ARSG: variants seen among roughly 807,000 people sequenced by gnomAD.
The protein encoded by ARSG is arylsulfatase G, also known as ASG.
A neutral mutation model predicts 50.5 loss-of-function variants in ARSG; 37 were observed. That is an observed-to-expected ratio of 0.73 (90% confidence interval 0.56 to 0.96). ARSG has a LOEUF of 0.96. Among genes scored for constraint, ARSG ranks in the 50% least tolerant of loss-of-function variants. The probability of loss-of-function intolerance (pLI) is 0.00; values close to 1 mark genes in which losing one functional copy is unlikely to be tolerated. For missense variants in ARSG, 629 were observed against 675.3 expected, an observed-to-expected ratio of 0.93 and a Z score of 0.76; for synonymous variants, 225 against 254.6, an observed-to-expected ratio of 0.88 and a Z score of 1.11.
At chr17:68,309,292 C>A (rs11650239) in intron 2 of ARSG, among the ~76,000 whole-genome samples, 1 of 152,130 alleles carries the variant, frequency 6.6e-6, no homozygotes, top group Non-Finnish European at 1.5e-5. Flanking sequence ...CGCGCCTCTC[C>A]CTCCACACCT....
At chr17:68,446,102 C>T in the ARSG span, among the ~76,000 whole-genome samples, 2 of 152,140 alleles carry the variant, frequency 1.3e-5, no homozygotes, top group Non-Finnish European at 2.9e-5. Context: ...CTGCTATTCC[C>T]CAAGGAAGAC....
rs558911411 is a variant in ARSG at position 68,283,336 on chromosome 17, C to T, written c.-551-23607C>T. Among the ~76,000 whole-genome samples, 14 of 151,298 alleles carry T rather than the reference C, an allele frequency of 9.3e-5. No individual in the cohort carries two copies. The East Asian group carries it at 1.6e-3, about 17-fold the overall frequency. Reference sequence around the variant, plus strand: ...GAGATCAAGACCATTCTGGCAAACACGATGAAACCCCGTCTCTACTAAAAA... The same window carrying T: ...GAGATCAAGACCATTCTGGCAAACATGATGAAACCCCGTCTCTACTAAAAA... On this transcript the variant is annotated intron_variant, in intron 1 of 11. Transcript: ENST00000448504.
At chr17:68,277,199 T>C (rs2075551640) in intron 1 of ARSG, among the ~76,000 whole-genome samples, 1 of 152,054 alleles carries the variant, frequency 6.6e-6, no homozygotes, top group Non-Finnish European at 1.5e-5. Context: ...TGGCATGATC[T>C]GGGCTTACTG....
intron 2 of ARSG, among the ~76,000 whole-genome samples, chr17:68,308,898 C>A (rs1344701759): frequency 6.6e-6 from 1 of 152,276 alleles, no homozygotes; most frequent in Non-Finnish European, 1.5e-5. Context: ...CTGCCAGTCC[C>A]GCGCCCTGCG....
intron 2 of ARSG, among the ~76,000 whole-genome samples, chr17:68,320,593 A>G (rs972398923): frequency 6.6e-6 from 1 of 152,028 alleles, no homozygotes; most frequent in Non-Finnish European, 1.5e-5. Flanking sequence ...CAGGGCTGGG[A>G]GTGTGAGACT....
intron 4 of ARSG, among the ~76,000 whole-genome samples, chr17:68,347,935 T>A (rs891977400): frequency 1.3e-5 from 2 of 152,220 alleles, no homozygotes; most frequent in African/African-American, 4.8e-5. Flanking sequence ...CCTATCTCTA[T>A]GGAAAACGGC....
downstream of ARSG, chr17:68,426,250 G>GGGGGGGT: frequency 1.1e-5 from 9 of 828,050 alleles, 2 homozygotes; most frequent in East Asian, 3.4e-5. Context: ...GGTGGGGAGC[G>GGGGGGGT]GGGGCTCAAA....
At chr17:68,288,977 G>A (rs2075904488), upstream of ARSG, among the ~76,000 whole-genome samples, 1 of 152,172 alleles carries the variant, frequency 6.6e-6, no homozygotes, top group South Asian at 2.1e-4. Context: ...TGTTCTTCTG[G>A]AGGAAGTACA....
At chr17:68,429,702 C>A in the ARSG span, among the ~76,000 whole-genome samples, 1 of 152,114 alleles carries the variant, frequency 6.6e-6, no homozygotes. Context: ...GATTCTCCTG[C>A]CCCAACCTCC....
chr17:68,381,188 C>T lies in ARSG; in HGVS notation c.983-3876C>T, dbSNP rs554430157. On this transcript the variant is annotated intron_variant, in intron 8 of 11. Transcript: ENST00000621439. This position sits in a 1 kb window ranked among gnomAD's most constrained non-coding sequence, Gnocchi z 4.1. The stretch of plus-strand genomic sequence containing the variant: ...GCCAAGAAAGACCACTGTTCCTCCG[C>T]GTGGGCAGTGGTGAGTCTTCCCCGG... 3.4e-4 allele frequency among the ~76,000 whole-genome samples: 52 copies of T among 152,228 alleles called. No homozygotes were observed. The highest frequency in any genetic ancestry group is 1.2e-3 in the African/African-American group (48 of 41,526).
intron 10 of ARSG, among the ~76,000 whole-genome samples, chr17:68,398,311 A>G (rs1167994058): frequency 2.0e-5 from 3 of 152,230 alleles, no homozygotes; most frequent in Admixed American, 6.5e-5. Context: ...GCACACACAT[A>G]CATGTATACA....
intron 1 of ARSG, chr17:68,283,243 G>C (rs1203963677): frequency 5.3e-5 from 8 of 152,142 alleles, no homozygotes; most frequent in African/African-American, 1.2e-4. Context: ...AGACTGGGCC[G>C]GGCGCAGTGG....
At chr17:68,434,675 C>A in the ARSG span, 1 of 1,589,646 alleles carries the variant, frequency 6.3e-7, no homozygotes, top group Non-Finnish European at 8.6e-7. Flanking sequence ...TGGCTTTACA[C>A]AGAGATGTCC....
At chr17:68,297,093 G>A (rs1353263180) in intron 1 of ARSG, among the ~76,000 whole-genome samples, 4 of 152,132 alleles carry the variant, frequency 2.6e-5, no homozygotes, top group Admixed American at 6.5e-5. Flanking sequence ...CAGAGTTTCC[G>A]CCCTGGAGTT....
intron 8 of ARSG, chr17:68,380,000 A>G (rs544531191): frequency 2.4e-6 from 1 of 414,072 alleles, no homozygotes; most frequent in African/African-American, 2.2e-5. Flanking sequence ...GGTCCACGTA[A>G]TACATGAATT....
At chr17:68,265,398 G>A (rs1403575954) in intron 1 of ARSG, among the ~76,000 whole-genome samples, 3 of 152,114 alleles carry the variant, frequency 2.0e-5, no homozygotes, top group Non-Finnish European at 2.9e-5. Context: ...GGAGGCTGAC[G>A]CAGGAGAATT....
intron 2 of ARSG, among the ~76,000 whole-genome samples, chr17:68,343,263 TCTC>T: frequency 6.6e-6 from 1 of 152,180 alleles, no homozygotes; most frequent in Non-Finnish European, 1.5e-5. Flanking sequence ...TTCAAGCAAT[TCTC>T]CTGTCTCAGC....
intron 3 of ARSG, chr17:68,346,873 T>C: frequency 2.8e-6 from 4 of 1,429,548 alleles, no homozygotes; most frequent in Non-Finnish European, 3.7e-6. Context: ...TCCGGGCTCC[T>C]GGTGATGGGC....
the ARSG span, chr17:68,434,774 T>C: frequency 6.7e-6 from 5 of 745,928 alleles, no homozygotes; most frequent in South Asian, 5.6e-5. Context: ...TGTTTATTTA[T>C]GTGCCATATC....
Sources: gnomAD v4.1 joint callset for allele counts (sites outside exome capture counted in the v4.1 genomes callset) on GRCh38, gnomAD v4.1.1 for gene constraint, Gnocchi (gnomAD v3.1) non-coding constraint, MANE v1.5 for transcripts, NCBI Gene and HGNC (gene_info 2026-07-23, HGNC 2026-07-21) for gene names.